SORCS2: variants seen among roughly 807,000 people sequenced by gnomAD.
The protein encoded by SORCS2 is VPS10 domain-containing receptor SorCS2.
Under a neutral mutation model 141.6 loss-of-function variants are expected in SORCS2, and 100 were observed. That is an observed-to-expected ratio of 0.71 (90% CI 0.60 to 0.83). SORCS2 has a LOEUF of 0.83. SORCS2 is among the 40% of genes least tolerant of loss of function. The pLI is 0.00. For missense variants in SORCS2, 1,646 were observed against 1,560.2 expected (o/e 1.05, Z -0.93); for synonymous variants, 789 against 676.9 (o/e 1.17, Z -2.57).
At chr4:7,731,135 G>A (rs1215655853) in intron 23 of SORCS2, among the ~76,000 whole-genome samples, 1 of 152,172 alleles carries the variant, frequency 6.6e-6, no homozygotes, top group African/African-American at 2.4e-5. Flanking sequence ...ACCTGGAAAA[G>A]AAATCAAGAA....
chr4:7,366,448 G>A (rs896184553), intron 1 of SORCS2, among the ~76,000 whole-genome samples: 5 of 145,116 alleles, frequency 3.4e-5, no homozygotes, highest in Non-Finnish European at 6.0e-5. Context: ...CAGTCCTCAC[G>A]GTGGATGCCC....
intron 3 of SORCS2, among the ~76,000 whole-genome samples, chr4:7,631,073 G>T (rs1719861396): frequency 6.8e-6 from 1 of 146,768 alleles, no homozygotes; most frequent in Non-Finnish European, 1.5e-5. Context: ...TTTTAACTTG[G>T]AGAGTTGAGA....
chr4:7,453,385 TGTGTTGGGGTCAGGA>T (rs1728619558), intron 2 of SORCS2, among the ~76,000 whole-genome samples: 2 of 131,688 alleles, frequency 1.5e-5, no homozygotes, highest in Non-Finnish European at 3.2e-5. Context: ...GGTCAGGCAC[TGTGTTGGGGTCAGGA>T]GCTGTGTGTT....
At chr4:7,328,366 T>G (rs1284643767) in intron 1 of SORCS2, among the ~76,000 whole-genome samples, 1 of 152,062 alleles carries the variant, frequency 6.6e-6, no homozygotes, top group Non-Finnish European at 1.5e-5. Context: ...TGTTTGTCAC[T>G]GAATCCTCAG....
At chr4:7,428,368 C>T (rs1230683303) in intron 2 of SORCS2, among the ~76,000 whole-genome samples, 1 of 152,188 alleles carries the variant, frequency 6.6e-6, no homozygotes, top group Non-Finnish European at 1.5e-5. Context: ...CTCATGGAGC[C>T]TGTTCCATGC....
At chr4:7,659,180 T>C (rs185447618) in intron 5 of SORCS2, among the ~76,000 whole-genome samples, 333 of 151,894 alleles carry the variant, frequency 2.2e-3, no homozygotes, top group Non-Finnish European at 3.9e-3. Flanking sequence ...TAGATGACAG[T>C]TCAGTGGGCA....
At chr4:7,545,049 C>A (rs1713138882) in intron 3 of SORCS2, among the ~76,000 whole-genome samples, 1 of 151,794 alleles carries the variant, frequency 6.6e-6, no homozygotes, top group Non-Finnish European at 1.5e-5. Flanking sequence ...GCTTTTGTCT[C>A]AGAAATAGAG....
At chr4:7,728,569 C>A (rs894213661) in intron 22 of SORCS2, 107 bp downstream of exon 22, 2 of 713,662 alleles carry the variant, frequency 2.8e-6, no homozygotes, top group African/African-American at 1.8e-5. Flanking sequence ...GGTGGCACTG[C>A]CCCCGCACAC....
chr4:7,394,200 C>A (rs1209447827), intron 1 of SORCS2, among the ~76,000 whole-genome samples: 1 of 152,104 alleles, frequency 6.6e-6, no homozygotes, highest in African/African-American at 2.4e-5. Flanking sequence ...CTGGCCTCTG[C>A]CCGACTTCAC....
chr4:7,716,514 A>G (rs1364943616), intron 17 of SORCS2, among the ~76,000 whole-genome samples: 1 of 151,660 alleles, frequency 6.6e-6, no homozygotes, highest in Non-Finnish European at 1.5e-5. Context: ...CCATCCATTC[A>G]TCTATCCATC....
At chr4:7,389,553 C>T (rs1210406443) in intron 1 of SORCS2, among the ~76,000 whole-genome samples, 1 of 152,188 alleles carries the variant, frequency 6.6e-6, no homozygotes, top group African/African-American at 2.4e-5. Context: ...TGAATTCACT[C>T]AGCAATGATC....
At chr4:7,609,798 C>G (rs1204843596) in intron 3 of SORCS2, among the ~76,000 whole-genome samples, 4 of 152,238 alleles carry the variant, frequency 2.6e-5, no homozygotes, top group African/African-American at 9.6e-5. Flanking sequence ...CCGCTGCGCA[C>G]TCTCATGGTG....
At chr4:7,689,677 G>T (rs1262311493) in intron 11 of SORCS2, 89 bp downstream of exon 11, 2 of 1,257,556 alleles carry the variant, frequency 1.6e-6, no homozygotes, top group Non-Finnish European at 2.2e-6. Flanking sequence ...ATGGTCATGA[G>T]CCTGAGGCCA....
chr4:7,319,905 C>A (rs1447575960), intron 1 of SORCS2, among the ~76,000 whole-genome samples: 1 of 152,176 alleles, frequency 6.6e-6, no homozygotes, highest in East Asian at 1.9e-4. Flanking sequence ...CTTAATGATT[C>A]CCCCCACCCT....
At chr4:7,488,628 G>T (rs770513498) in intron 2 of SORCS2, among the ~76,000 whole-genome samples, 1 of 152,178 alleles carries the variant, frequency 6.6e-6, no homozygotes, top group African/African-American at 2.4e-5. Context: ...ACCAGGACAG[G>T]AACGGCCATC....
chr4:7,206,113 G>A (rs1403226988), intron 1 of SORCS2, among the ~76,000 whole-genome samples: 2 of 152,148 alleles, frequency 1.3e-5, no homozygotes, highest in Non-Finnish European at 2.9e-5. Flanking sequence ...GGACTCGGCT[G>A]GAGGGATGAG....
intron 1 of SORCS2, among the ~76,000 whole-genome samples, chr4:7,381,044 T>C (rs1029444104): frequency 1.4e-5 from 2 of 139,124 alleles, no homozygotes; most frequent in Non-Finnish European, 3.0e-5. Context: ...ATTGCGCCAC[T>C]GCACTCCAGC....
chr4:7,433,242 G>A, intron 2 of SORCS2: 2 of 1,310,844 alleles, frequency 1.5e-6, no homozygotes, highest in East Asian at 5.8e-5. Context: ...TTTTTCATTT[G>A]TGAAATGGGG....
chr4:7,739,287 G>A (rs561916581), intron 26 of SORCS2, among the ~76,000 whole-genome samples: 1 of 152,176 alleles, frequency 6.6e-6, no homozygotes, highest in South Asian at 2.1e-4. Context: ...GCTCCTGCTG[G>A]GGCAGGAGGT....
Sources: allele counts gnomAD v4.1 joint callset (sites outside exome capture counted in the v4.1 genomes callset), GRCh38; gene constraint gnomAD v4.1.1; transcripts MANE v1.5; gene names NCBI Gene and HGNC (gene_info 2026-07-23, HGNC 2026-07-21).